The following SMG6 variants were observed in gnomAD, a reference collection of about 807,000 sequenced individuals.
SMG6 encodes the protein telomerase-binding protein EST1A.
Under a neutral mutation model 142.2 loss-of-function variants are expected in SMG6, and 66 were observed. That is an observed-to-expected ratio of 0.46 (90% CI 0.38 to 0.57). SMG6 has a LOEUF of 0.57. SMG6 is among the 20% of genes least tolerant of loss of function. The pLI, the probability that SMG6 is intolerant of heterozygous loss-of-function variation, is 0.00. For missense variants in SMG6, 1,793 were observed against 1,832.0 expected, an observed-to-expected ratio of 0.98 and a Z score of 0.39; for synonymous variants, 779 against 702.4, an observed-to-expected ratio of 1.11 and a Z score of -1.72.
At chr17:2,131,372 T>C (rs2070116058) in intron 13 of SMG6, among the ~76,000 whole-genome samples, 1 of 152,022 alleles carries the variant, frequency 6.6e-6, no homozygotes, top group African/African-American at 2.4e-5. Flanking sequence ...CTAGGCTCAC[T>C]GCAACCTCCG....
At chr17:2,256,829 A>G (rs2074191789) in intron 8 of SMG6, among the ~76,000 whole-genome samples, 1 of 152,208 alleles carries the variant, frequency 6.6e-6, no homozygotes, top group African/African-American at 2.4e-5. Flanking sequence ...TCCAGGCAAT[A>G]TATACAAGAA....
chr17:2,111,816 C>T (rs1157536772), intron 13 of SMG6, among the ~76,000 whole-genome samples: 2 of 152,160 alleles, frequency 1.3e-5, no homozygotes, highest in Non-Finnish European at 2.9e-5. Context: ...ACAGGCTTTT[C>T]CAGCTCAGCC....
chr17:2,124,427 T>C (rs981164002), intron 13 of SMG6, among the ~76,000 whole-genome samples: 12 of 152,182 alleles, frequency 7.9e-5, no homozygotes, highest in African/African-American at 2.7e-4. Context: ...AGAGTAGTCA[T>C]GGGCAGGCCA....
At chr17:2,257,134 G>A (rs532887609) in intron 8 of SMG6, among the ~76,000 whole-genome samples, 1 of 147,902 alleles carries the variant, frequency 6.8e-6, no homozygotes, top group African/African-American at 2.5e-5. Context: ...TGCCCAGGCT[G>A]TAGTGCAGTG....
Position 2,163,829 on chromosome 17 carries a change from G to A in SMG6, c.3357+8829C>T, listed in dbSNP as rs750389964. ...ATGTAGTTGTTTATTCTCTAAGGCT[G>A]AGGGCAGCAGATCACTTGAGGTCAG... On this transcript the variant is annotated intron_variant, in intron 13 of 18. Coordinates refer to ENST00000263073, the MANE Select transcript of SMG6 (RefSeq NM_017575.5). Among the ~76,000 whole-genome samples, 257 of 152,052 alleles carry A rather than the reference G, an allele frequency of 1.7e-3. 3 individuals carry two copies. Among genetic ancestry groups the A allele is most frequent in the Non-Finnish European group, 2.6e-4 (18 of 68,030 alleles).
chr17:2,127,992 G>T, intron 13 of SMG6: 1 of 498,448 alleles, frequency 2.0e-6, no homozygotes, highest in South Asian at 1.6e-5. Flanking sequence ...AGCACACTAA[G>T]GAACGAGTGT....
intron 13 of SMG6, among the ~76,000 whole-genome samples, chr17:2,108,436 G>C (rs1203982145): frequency 1.3e-5 from 2 of 152,190 alleles, no homozygotes; most frequent in Admixed American, 1.3e-4. Context: ...GGCCAACATA[G>C]TGAAACCCTG....
intron 9 of SMG6, among the ~76,000 whole-genome samples, chr17:2,238,003 A>T (rs2073709889): frequency 6.6e-6 from 1 of 152,250 alleles, no homozygotes; most frequent in Non-Finnish European, 1.5e-5. Context: ...AAAAGCCACA[A>T]GGAAGGTAAT....
intron 9 of SMG6, among the ~76,000 whole-genome samples, chr17:2,237,864 A>G (rs1331809230): frequency 1.3e-5 from 2 of 152,230 alleles, no homozygotes; most frequent in South Asian, 2.1e-4. Context: ...CCTTAGGGTT[A>G]TGCCAAACAA....
At chr17:2,189,629 AG>A (rs2072098154) in intron 10 of SMG6, among the ~76,000 whole-genome samples, 1 of 152,150 alleles carries the variant, frequency 6.6e-6, no homozygotes, top group South Asian at 2.1e-4. Context: ...TCAGTAGCCA[AG>A]GGGAGCCCTC....
intron 13 of SMG6, chr17:2,117,867 C>T (rs936560916): frequency 2.6e-5 from 4 of 152,132 alleles, no homozygotes; most frequent in Admixed American, 1.3e-4. Flanking sequence ...CAAGAAATGC[C>T]TTTTCAATAA....
chr17:2,266,939 T>C (rs2074434550), intron 8 of SMG6, among the ~76,000 whole-genome samples: 1 of 152,090 alleles, frequency 6.6e-6, no homozygotes, highest in Non-Finnish European at 1.5e-5. Flanking sequence ...GGTTCTGACC[T>C]TCTTTGAGGA....
At chr17:2,172,311 G>A (rs1244302043) in intron 13 of SMG6, among the ~76,000 whole-genome samples, 4 of 152,074 alleles carry the variant, frequency 2.6e-5, no homozygotes, top group Admixed American at 1.3e-4. Flanking sequence ...GGCGGAGGGG[G>A]GCGGGGAGGA....
At chr17:2,249,838 T>C (rs1056988715) in intron 8 of SMG6, among the ~76,000 whole-genome samples, 3 of 152,134 alleles carry the variant, frequency 2.0e-5, no homozygotes, top group Admixed American at 2.0e-4. Context: ...CCAAAACAAA[T>C]TCACTGTGGA....
intron 10 of SMG6, chr17:2,212,678 T>C (rs1454278019): frequency 6.6e-6 from 1 of 152,256 alleles, no homozygotes; most frequent in East Asian, 1.9e-4. Flanking sequence ...ACCGGGGATG[T>C]CTGCAAACCT....
intron 10 of SMG6, among the ~76,000 whole-genome samples, chr17:2,231,174 G>A (rs768775351): frequency 3.9e-5 from 6 of 152,130 alleles, no homozygotes; most frequent in Admixed American, 1.3e-4. Context: ...TTTTCTGAAC[G>A]TCTCTGAGAT....
intron 9 of SMG6, among the ~76,000 whole-genome samples, chr17:2,240,815 G>T (rs1234653678): frequency 6.6e-6 from 1 of 152,188 alleles, no homozygotes; most frequent in East Asian, 1.9e-4. Context: ...TTTCCGAAAG[G>T]GCAGGCGGGA....
chr17:2,211,054 G>A (rs1235835984), intron 10 of SMG6, among the ~76,000 whole-genome samples: 3 of 148,938 alleles, frequency 2.0e-5, no homozygotes, highest in Non-Finnish European at 3.0e-5. Context: ...CAGTCAAACC[G>A]ATGGACTTTC....
At chr17:2,099,410 T>A (rs1379801512) in intron 13 of SMG6, among the ~76,000 whole-genome samples, 1 of 151,976 alleles carries the variant, frequency 6.6e-6, no homozygotes, top group African/African-American at 2.4e-5. Context: ...CCATGGAGGC[T>A]GTTGTACCAG....
Sources: gnomAD v4.1 joint callset for allele counts (sites outside exome capture counted in the v4.1 genomes callset) on GRCh38, gnomAD v4.1.1 for gene constraint, MANE v1.5 for transcripts, NCBI Gene and HGNC (gene_info 2026-07-23, HGNC 2026-07-21) for gene names.